The following XPNPEP2 variants were observed in gnomAD, a reference collection of about 807,000 sequenced individuals.
The protein encoded by XPNPEP2 is xaa-Pro aminopeptidase 2.
A neutral mutation model predicts 59.8 loss-of-function variants in XPNPEP2; 64 were observed. The ratio of observed to expected loss-of-function variants is 1.07; its 90% CI spans 0.87 to 1.32. The LOEUF is 1.32. Among genes scored for constraint, XPNPEP2 ranks in the 40% most tolerant of loss-of-function variants. The pLI is 0.00. For missense variants in XPNPEP2, 575 were observed against 546.8 expected (o/e 1.05, Z -0.51); for synonymous variants, 235 against 210.0 (o/e 1.12, Z -1.03).
chrX:129,762,609 C>T (rs1184005629), intron 18 of XPNPEP2, 85 bp from the exon 19 acceptor site: 5 of 888,543 alleles, frequency 5.6e-6, no homozygotes, highest in Non-Finnish European at 8.2e-6. Context: ...CAGCCAGTCC[C>T]TCCAGCCACT....
chrX:129,747,804 G>T (rs751241660), intron 7 of XPNPEP2, 51 bp downstream of exon 7: 1 of 1,208,560 alleles, frequency 8.3e-7, no homozygotes, highest in South Asian at 1.8e-5. Flanking sequence ...CGCAGGTCCC[G>T]GCTGCTATTC....
At position 129,742,204 on chromosome X, in the gene XPNPEP2, G is replaced by A. The variant is rs756056684; in HGVS notation, c.123+23G>A. ...CCTGTGAGTGCCCCCTGCCCCCCGC[G>A]CACGGCCCCCCTGGCCCCACGCACC... is the stretch of plus-strand genomic sequence containing the variant. On this transcript the variant is annotated intron_variant, in intron 2 of 20. Transcript: ENST00000371106. The A allele has an allele frequency of 7.2e-4, 670 of 935,399 alleles. 4 individuals are homozygous for A. The South Asian group carries it at 0.016, about 22-fold the overall frequency. 77.1% of individuals were successfully genotyped at this position (935,399 alleles called of 1,213,427 possible).
At chrX:129,756,650 G>C in intron 14 of XPNPEP2, 95 bp downstream of exon 14, 1 of 921,301 alleles carries the variant, frequency 1.1e-6, no homozygotes, top group Non-Finnish European at 1.6e-6. Flanking sequence ...CTGGGCCACG[G>C]ATTCTTCGTC....
Position 129,740,402 on chromosome X carries a change from G to C in XPNPEP2, c.49+1140G>C, listed in dbSNP as rs191930884. On this transcript the variant is annotated intron_variant, in intron 1 of 20. Transcript: ENST00000371106. ...AGCTCTTTGGGAGGCCATGGCAGGC[G>C]GATCACTTGAGGTCAGGAGTTCGAG... 7.6e-3 allele frequency among the ~76,000 whole-genome samples: 850 copies of C among 112,200 alleles called. 12 individuals are homozygous for C. Among genetic ancestry groups the C allele is most frequent in the African/African-American group, 0.025 (779 of 30,924 alleles).
intron 17 of XPNPEP2, 49 bp downstream of exon 17, chrX:129,761,325 C>T: frequency 9.7e-7 from 1 of 1,033,270 alleles, no homozygotes; most frequent in Non-Finnish European, 1.3e-6. Flanking sequence ...TTATTATACC[C>T]TCTATGAAGG....
At chrX:129,742,277 G>A (rs1160045321) in intron 2 of XPNPEP2, 96 bp downstream of exon 2, 6 of 416,863 alleles carry the variant, frequency 1.4e-5, no homozygotes, top group African/African-American at 2.9e-5. Context: ...CCCCCGCCCT[G>A]CTCTATCATC....
intron 14 of XPNPEP2, among the ~76,000 whole-genome samples, chrX:129,757,023 TACACACAC>T (rs1342456152): frequency 6.4e-5 from 5 of 77,734 alleles, no homozygotes; most frequent in East Asian, 5.5e-4. Context: ...TATATATATA[TACACACAC>T]ACACACATAT....
intron 7 of XPNPEP2, among the ~76,000 whole-genome samples, chrX:129,748,177 A>G (rs1926335589): frequency 8.9e-6 from 1 of 112,268 alleles, no homozygotes; most frequent in African/African-American, 3.2e-5. Context: ...TGAAGAATTT[A>G]GATTTGTGAG....
At chrX:129,757,857 A>AGG (rs1569477214) in intron 14 of XPNPEP2, among the ~76,000 whole-genome samples, 3 of 77,195 alleles carry the variant, frequency 3.9e-5, no homozygotes, top group African/African-American at 1.9e-4. Context: ...GAAAGAAAGA[A>AGG]AGAGGGAGAG....
Position 129,746,229 on chromosome X carries a change from G to A in XPNPEP2, c.299-7G>A. 1 of 1,208,241 alleles carries A rather than the reference G, an allele frequency of 8.3e-7. No individual in the cohort carries two copies. The highest frequency in any genetic ancestry group is 2.2e-5 in the Admixed American group (1 of 45,961). Reference sequence around the variant, plus strand: ...CCTCACCTGCAAGTTTCTCTGTTCTGCCCCAGGAACTGCAGTGGTGACTAT... The same window carrying A: ...CCTCACCTGCAAGTTTCTCTGTTCTACCCCAGGAACTGCAGTGGTGACTAT... On this transcript the variant is annotated splice_polypyrimidine_tract_variant and splice_region_variant and intron_variant, in intron 4 of 20. Transcript: ENST00000371106.
At chrX:129,752,486 G>A in intron 10 of XPNPEP2, 141 bp downstream of exon 10, 1 of 627,953 alleles carries the variant, frequency 1.6e-6, no homozygotes, top group Non-Finnish European at 2.4e-6. Flanking sequence ...TCCCTTCTTG[G>A]CCTAACTGGG....
Position 129,751,793 on chromosome X carries a change from A to T in XPNPEP2, c.788A>T (p.Tyr263Phe), listed in dbSNP as rs776128718. 8.3e-7 allele frequency: 1 copy of T among 1,209,074 alleles called. No individual in the cohort carries two copies. Among genetic ancestry groups the T allele is most frequent in the Non-Finnish European group, 1.1e-6 (1 of 894,665 alleles). ...GACATCCCCTATAACCCCTTCTTCT[A>T]TTCCTACACGCTGCTCACAGACTCT... ...ASDIPYNPFF[Y>F]SYTLLTDSSI... Residue 263 changes from tyrosine (Y) to phenylalanine (F), a missense_variant, in exon 9 of 21, where the codon TAT (tyrosine) becomes TTT (phenylalanine). Physicochemically the swap from Tyr to Phe is conservative, Grantham distance 22. Transcript: ENST00000371106.
chrX:129,758,574 G>A (rs1353654578), intron 14 of XPNPEP2, among the ~76,000 whole-genome samples: 1 of 111,314 alleles, frequency 9.0e-6, no homozygotes, highest in Non-Finnish European at 1.9e-5. Context: ...GGTCAGATCC[G>A]TGTTTGCCAT....
chrX:129,768,537 T>C lies in XPNPEP2; in HGVS notation c.*52T>C. 9.5e-7 allele frequency: 1 copy of C among 1,047,961 alleles called. No homozygotes were observed. Among genetic ancestry groups the C allele is most frequent in the African/African-American group, 1.9e-5 (1 of 52,960 alleles). The allele number at this position is 1,047,961 out of a possible 1,213,427, so 86.4% of individuals were successfully genotyped here. A position where few individuals can be genotyped will look rare whatever the true frequency, so the allele number is the denominator to read the frequency against. ...CCATCTAGATGGGGGGCTCCCTTGC[T>C]TAGCTCCCCTCACCCTGCACTGAAC... On this transcript the variant is annotated 3_prime_UTR_variant, in exon 21 of 21. Coordinates refer to ENST00000371106, the MANE Select transcript of XPNPEP2 (RefSeq NM_003399.6).
At chrX:129,740,709 G>A (rs1341085709) in intron 1 of XPNPEP2, among the ~76,000 whole-genome samples, 2 of 109,636 alleles carry the variant, frequency 1.8e-5, no homozygotes, top group Admixed American at 9.6e-5. Context: ...GGAGGCCGGG[G>A]CGGGTGGATC....
rs761195997 is a variant in XPNPEP2 at position 129,746,304 on chromosome X, C to T, written c.367C>T (p.Arg123Trp). 1.1e-5 allele frequency: 13 copies of T among 1,209,283 alleles called. No individual in the cohort carries two copies. Among genetic ancestry groups the T allele is most frequent in the African/African-American group, 3.5e-5 (2 of 57,282 alleles). ...TDSRYWTQAE[R>W]QMDCNWELHK... ...CAGTCGCTACTGGACTCAGGCTGAG[C>T]GGCAGATGGACTGCAACTGGGAGCT... Residue 123 changes from arginine to tryptophan, a missense_variant, in exon 5 of 21, where the codon CGG (arginine) becomes TGG (tryptophan). Arg to Trp is a moderately radical substitution (Grantham distance 101, BLOSUM62 -3). Coordinates refer to ENST00000371106, the MANE Select transcript of XPNPEP2 (RefSeq NM_003399.6).
At chrX:129,742,745 T>TA (rs1438122376) in intron 2 of XPNPEP2, among the ~76,000 whole-genome samples, 2 of 110,343 alleles carry the variant, frequency 1.8e-5, no homozygotes, top group East Asian at 2.9e-4. Flanking sequence ...CTACTAAAAA[T>TA]AAAAAAATTA....
chrX:129,746,598 G>C lies in XPNPEP2; in HGVS notation c.407G>C (p.Gly136Ala). The C allele has an allele frequency of 8.3e-7, 1 of 1,210,099 alleles. No homozygotes were observed. Among genetic ancestry groups the C allele is most frequent in the East Asian group, 3.0e-5 (1 of 33,786 alleles). ...DCNWELHKEVGTTPIVTWLLT... is the reference protein window; with the variant it reads ...DCNWELHKEVATTPIVTWLLT... ...TTGCTTCCTATCTTTCTTTCAGTTG[G>C]CACCACTCCTATTGTCACCTGGCTC... The change falls in exon 6 of 21, where the codon GGC becomes GCC. Residue 136 changes from glycine to alanine, a missense_variant. Gly to Ala is a moderately conservative substitution (Grantham distance 60, BLOSUM62 0). Coordinates refer to ENST00000371106, the MANE Select transcript of XPNPEP2 (RefSeq NM_003399.6).
intron 1 of XPNPEP2, among the ~76,000 whole-genome samples, chrX:129,739,868 G>T (rs1000794328): frequency 8.9e-6 from 1 of 112,724 alleles, no homozygotes; most frequent in Non-Finnish European, 1.9e-5. Context: ...GTCAGGAAGA[G>T]AGTCTTTCCT....
Sources: gnomAD v4.1 joint callset for allele counts (sites outside exome capture counted in the v4.1 genomes callset) on GRCh38, gnomAD v4.1.1 for gene constraint, MANE v1.5 for transcripts, NCBI Gene and HGNC (gene_info 2026-07-23, HGNC 2026-07-21) for gene names.